STS: variants seen among roughly 807,000 people sequenced by gnomAD.
The protein encoded by STS is steroid sulfatase.
A neutral mutation model predicts 26.8 loss-of-function variants in STS; 7 were observed. The ratio of observed to expected loss-of-function variants is 0.26; its 90% CI spans 0.15 to 0.49. The LOEUF is 0.49. Ranked by LOEUF, STS falls within the 20% of genes least tolerant of loss-of-function variation. STS has a pLI of 0.98. For missense variants in STS, 434 were observed against 465.6 expected (o/e 0.93, Z 0.63); for synonymous variants, 199 against 189.4 (o/e 1.05, Z -0.42).
chrX:7,275,910 G>A (rs915957156), intron 6 of STS, 41 bp from the exon 7 acceptor site: 1 of 1,146,220 alleles, frequency 8.7e-7, no homozygotes, highest in Non-Finnish European at 1.2e-6. Context: ...AACATTATCT[G>A]TGGTCTTTTT....
intron 2 of STS, among the ~76,000 whole-genome samples, chrX:7,251,188 A>G (rs1923123540): frequency 9.0e-6 from 1 of 111,381 alleles, no homozygotes; most frequent in Non-Finnish European, 1.9e-5. Context: ...CCCATCCCCC[A>G]TCCAGCCTCT....
intron 7 of STS, among the ~76,000 whole-genome samples, chrX:7,283,134 A>G (rs1480758966): frequency 1.8e-5 from 2 of 112,207 alleles, no homozygotes; most frequent in African/African-American, 6.5e-5. Context: ...TCACTTTTCT[A>G]TCTTGAATTT....
intron 10 of STS, among the ~76,000 whole-genome samples, chrX:7,346,556 T>C (rs1217402659): frequency 9.0e-6 from 1 of 111,058 alleles, no homozygotes; most frequent in Admixed American, 9.6e-5. Context: ...ATCTCAGTTA[T>C]AAATGAGTCT....
chrX:7,205,195 C>T (rs182650420), intron 2 of STS, among the ~76,000 whole-genome samples: 1 of 112,492 alleles, frequency 8.9e-6, no homozygotes, highest in Non-Finnish European at 1.9e-5. Flanking sequence ...AGGTGTTTCT[C>T]CTTCCAGTTT....
intron 1 of STS, among the ~76,000 whole-genome samples, chrX:7,163,971 A>C (rs1176371817): frequency 9.0e-6 from 1 of 111,496 alleles, no homozygotes; most frequent in African/African-American, 3.3e-5. Flanking sequence ...GGTGCCCACC[A>C]TCATGCTCAG....
At chrX:7,347,754 G>C (rs773123917) in intron 10 of STS, among the ~76,000 whole-genome samples, 8 of 111,752 alleles carry the variant, frequency 7.2e-5, no homozygotes, top group Non-Finnish European at 1.1e-4. Context: ...AGGCTTCCTG[G>C]CTCGCTTCTC....
intron 9 of STS, among the ~76,000 whole-genome samples, chrX:7,330,494 G>T (rs957642709): frequency 1.8e-5 from 2 of 112,250 alleles, no homozygotes; most frequent in Non-Finnish European, 3.8e-5. Flanking sequence ...AGAGCTTGTG[G>T]TCCATAATTA....
upstream of STS, among the ~76,000 whole-genome samples, chrX:7,147,634 G>A (rs1359888673): frequency 8.9e-6 from 1 of 112,277 alleles, no homozygotes; most frequent in Admixed American, 9.3e-5. Context: ...TTGCAGACGG[G>A]GAAGCTGAGG....
intron 2 of STS, among the ~76,000 whole-genome samples, chrX:7,209,571 TA>T (rs1297329957): frequency 1.9e-5 from 2 of 106,870 alleles, no homozygotes; most frequent in African/African-American, 3.3e-5. Context: ...ACCACAGATT[TA>T]AAAAAATATT....
chrX:7,233,091 C>CT (rs3077766), intron 2 of STS, among the ~76,000 whole-genome samples: 17,038 of 69,753 alleles, frequency 0.24, 2,049 homozygotes, highest in Admixed American at 0.36. Context: ...TTCTTTTTTT[C>CT]TTTTTTTTTT....
At chrX:7,194,544 G>A (rs1385846617) in intron 2 of STS, among the ~76,000 whole-genome samples, 1 of 110,907 alleles carries the variant, frequency 9.0e-6, no homozygotes, top group Non-Finnish European at 1.9e-5. Context: ...GTTTTACAAA[G>A]GTGGTTTTGG....
chrX:7,220,424 A>G (rs1426286521), intron 2 of STS, among the ~76,000 whole-genome samples: 1 of 110,672 alleles, frequency 9.0e-6, no homozygotes. Flanking sequence ...TTCTGAGACA[A>G]TGGCTAAATC....
intron 9 of STS, among the ~76,000 whole-genome samples, chrX:7,328,509 CTG>C (rs755903531): frequency 1.0e-4 from 11 of 109,431 alleles, no homozygotes; most frequent in African/African-American, 3.7e-4. Context: ...AGATTCCCCT[CTG>C]TTTCTGATTC....
chrX:7,325,193 A>G lies in STS; in HGVS notation c.1082-146A>G, dbSNP rs1374587326. On this transcript the variant is annotated intron_variant, in intron 8 of 10. Coordinates refer to ENST00000674429, the MANE Select transcript of STS (RefSeq NM_001320752.2). ...TCCTTTTTTCAATACAACATATACTATATTGCTCATGGAATACTCATAGAT... is the reference window on the plus strand; with the variant it reads ...TCCTTTTTTCAATACAACATATACTGTATTGCTCATGGAATACTCATAGAT... 1.8e-5 allele frequency: 11 copies of G among 594,778 alleles called. No homozygotes were observed. In the East Asian group the frequency reaches 2.2e-4, roughly 12 times the overall value. The allele number at this position is 594,778 out of a possible 1,213,427, so 49.0% of individuals were successfully genotyped here. A position where few individuals can be genotyped will look rare whatever the true frequency, so the allele number is the denominator to read the frequency against.
intron 1 of STS, among the ~76,000 whole-genome samples, chrX:7,164,610 T>G: frequency 9.0e-6 from 1 of 110,766 alleles, no homozygotes; most frequent in East Asian, 2.8e-4. Flanking sequence ...TTTACACGAA[T>G]CTGGGGGACA....
chrX:7,290,109 C>T (rs1245748276), intron 7 of STS, among the ~76,000 whole-genome samples: 3 of 111,922 alleles, frequency 2.7e-5, no homozygotes, highest in Admixed American at 9.5e-5. Flanking sequence ...CTCATGAGAT[C>T]ATTTGAAGAG....
chrX:7,208,657 C>A (rs1182508523), intron 2 of STS, among the ~76,000 whole-genome samples: 1 of 111,844 alleles, frequency 8.9e-6, no homozygotes, highest in Non-Finnish European at 1.9e-5. Flanking sequence ...TTCCTACCTT[C>A]CTTCCTCCTT....
intron 6 of STS, among the ~76,000 whole-genome samples, chrX:7,275,006 G>A (rs1924461156): frequency 9.0e-6 from 1 of 111,655 alleles, no homozygotes; most frequent in South Asian, 3.8e-4. Flanking sequence ...TGAACCTGGA[G>A]GACATTCTGC....
chrX:7,345,945 G>C (rs1297703463), intron 10 of STS, among the ~76,000 whole-genome samples: 1 of 111,878 alleles, frequency 8.9e-6, no homozygotes, highest in African/African-American at 3.3e-5. Context: ...CCTTGCCAGG[G>C]CTCCCACTTC....
Sources: gnomAD v4.1 joint callset for allele counts (sites outside exome capture counted in the v4.1 genomes callset) on GRCh38, gnomAD v4.1.1 for gene constraint, MANE v1.5 for transcripts, NCBI Gene and HGNC (gene_info 2026-07-23, HGNC 2026-07-21) for gene names.